Variants in ANK2 observed in about 807,000 individuals in gnomAD.
ANK2 encodes the protein ankyrin 2, also known as ankyrin-2.
Under a neutral mutation model 360.5 loss-of-function variants are expected in ANK2, and 83 were observed. The ratio of observed to expected loss-of-function variants is 0.23; its 90% CI spans 0.19 to 0.28. The LOEUF is 0.28. ANK2 is among the 10% of genes least tolerant of loss of function. The pLI is 1.00. For missense variants in ANK2, 4,201 were observed against 4,795.7 expected (o/e 0.88, Z 3.66); for synonymous variants, 1,740 against 1,759.5 (o/e 0.99, Z 0.28).
rs138707014 is a variant in ANK2 at position 113,162,439 on chromosome 4, A to G, written c.85-11977A>G. 1.8e-3 allele frequency among the ~76,000 whole-genome samples: 276 copies of G among 152,184 alleles called. 2 individuals carry two copies. Among genetic ancestry groups the G allele is most frequent in the Middle Eastern group, 6.8e-3 (2 of 294 alleles). ...GAGTTTTACTTCTTTCCTGTTTCCA[A>G]TATGATCTTTATAACTCCTTATACT... On this transcript the variant is annotated intron_variant, in intron 1 of 45. Transcript: ENST00000357077.
chr4:113,167,190 G>A (rs890273617), intron 1 of ANK2, among the ~76,000 whole-genome samples: 7 of 151,778 alleles, frequency 4.6e-5, no homozygotes, highest in African/African-American at 1.5e-4. Flanking sequence ...TGTGATTTTT[G>A]TAATCAGTTT....
chr4:113,056,306 A>G (rs1017697876), intron 1 of ANK2, among the ~76,000 whole-genome samples: 10 of 152,146 alleles, frequency 6.6e-5, no homozygotes, highest in Admixed American at 5.9e-4. Context: ...GTTCTTTTCC[A>G]TACACTCTTT....
chr4:113,082,817 C>T (rs955907118), intron 1 of ANK2, among the ~76,000 whole-genome samples: 73 of 152,144 alleles, frequency 4.8e-4, no homozygotes, highest in African/African-American at 1.5e-3. Context: ...TTCTTCTTAA[C>T]GTTTTATATA....
intron 26 of ANK2, among the ~76,000 whole-genome samples, chr4:113,320,608 C>T (rs1003925128): frequency 2.6e-5 from 4 of 152,078 alleles, no homozygotes; most frequent in Non-Finnish European, 5.9e-5. Context: ...CGAGCCTAGA[C>T]TGCACCACTG....
intron 1 of ANK2, among the ~76,000 whole-genome samples, chr4:112,850,839 G>T (rs2064799327): frequency 6.6e-6 from 1 of 151,850 alleles, no homozygotes. Context: ...CTTTTTGCTT[G>T]GGATGCACGA....
At chr4:113,187,025 G>A (rs1028465600) in intron 2 of ANK2, among the ~76,000 whole-genome samples, 2 of 151,936 alleles carry the variant, frequency 1.3e-5, no homozygotes, top group African/African-American at 2.4e-5. Flanking sequence ...GGCACACCTT[G>A]GGGCATAAGG....
At chr4:112,989,122 G>A (rs1055471048) in intron 2 of ANK2, among the ~76,000 whole-genome samples, 5 of 152,206 alleles carry the variant, frequency 3.3e-5, no homozygotes, top group Admixed American at 1.3e-4. Context: ...AAGCAATTCA[G>A]AGGTAATTCT....
intron 21 of ANK2, 124 bp from the exon 22 acceptor site, chr4:113,293,316 T>C (rs1306174089): frequency 1.2e-6 from 1 of 850,500 alleles, no homozygotes; most frequent in South Asian, 1.4e-5. Flanking sequence ...ACTAGTGATT[T>C]TCCTAAGCTG....
chr4:112,828,075 A>G (rs1379443362), intron 1 of ANK2, among the ~76,000 whole-genome samples: 1 of 152,068 alleles, frequency 6.6e-6, no homozygotes, highest in Non-Finnish European at 1.5e-5. Context: ...ACCTACAACC[A>G]TCTGATCTTC....
At chr4:113,251,850 A>G (rs1268117406) in intron 10 of ANK2, among the ~76,000 whole-genome samples, 4 of 152,136 alleles carry the variant, frequency 2.6e-5, no homozygotes, top group Admixed American at 6.5e-5. Flanking sequence ...AAAGATAATT[A>G]TAAAAAATAG....
At chr4:112,775,666 G>T in the ANK2 span, among the ~76,000 whole-genome samples, 1 of 152,154 alleles carries the variant, frequency 6.6e-6, no homozygotes. Context: ...GTTGCTCACG[G>T]CTTTTGTAGG....
intron 1 of ANK2, among the ~76,000 whole-genome samples, chr4:113,135,379 A>G (rs1170608512): frequency 6.6e-6 from 1 of 151,908 alleles, no homozygotes; most frequent in Non-Finnish European, 1.5e-5. Context: ...CTAGTGATGG[A>G]TCCATCACTG....
At chr4:113,304,175 T>C (rs1243529138) in intron 23 of ANK2, among the ~76,000 whole-genome samples, 1 of 152,234 alleles carries the variant, frequency 6.6e-6, no homozygotes, top group Non-Finnish European at 1.5e-5. Flanking sequence ...GCATATCATA[T>C]TTTGTTTTGT....
intron 22 of ANK2, among the ~76,000 whole-genome samples, chr4:113,301,713 T>C (rs140323727): frequency 6.6e-6 from 1 of 152,290 alleles, no homozygotes; most frequent in Non-Finnish European, 1.5e-5. Flanking sequence ...ATTCCACATA[T>C]AAGTGAGATT....
At chr4:113,118,165 A>G (rs975792978) in intron 1 of ANK2, among the ~76,000 whole-genome samples, 1 of 152,192 alleles carries the variant, frequency 6.6e-6, no homozygotes, top group African/African-American at 2.4e-5. Flanking sequence ...ATAATCTTAC[A>G]ACTTGATGGA....
chr4:113,156,502 C>T (rs947942073), intron 1 of ANK2, among the ~76,000 whole-genome samples: 16 of 151,820 alleles, frequency 1.1e-4, no homozygotes, highest in Non-Finnish European at 1.8e-4. Flanking sequence ...TCCCAAGTAG[C>T]TGGGACTACA....
Position 113,145,904 on chromosome 4 carries a change from G to A in ANK2, c.85-28512G>A, listed in dbSNP as rs920309443. The A allele has an allele frequency of 1.2e-5, 16 of 1,289,762 alleles. No individual in the cohort carries two copies. The East Asian group carries it at 1.7e-4, about 13-fold the overall frequency. 79.9% of individuals were successfully genotyped at this position (1,289,762 alleles called of 1,614,324 possible). The stretch of plus-strand genomic sequence containing the variant: ...CAGCCCTCTGCTCTTCTTGCCATGC[G>A]GATAAGAGCATAAGAGCACAAGGAA... On this transcript the variant is annotated intron_variant, in intron 1 of 45. Transcript: ENST00000357077.
intron 1 of ANK2, among the ~76,000 whole-genome samples, chr4:113,089,007 C>T (rs140110851): frequency 6.6e-6 from 1 of 152,140 alleles, no homozygotes; most frequent in Non-Finnish European, 1.5e-5. Flanking sequence ...AATTTAAATT[C>T]TCTCATACTC....
chr4:112,947,141 A>G (rs779969285), intron 2 of ANK2, among the ~76,000 whole-genome samples: 2 of 152,232 alleles, frequency 1.3e-5, no homozygotes, highest in Non-Finnish European at 2.9e-5. Context: ...GGTAGGAACC[A>G]TAACTAAACA....
Sources: gnomAD v4.1 joint callset for allele counts (sites outside exome capture counted in the v4.1 genomes callset) on GRCh38, gnomAD v4.1.1 for gene constraint, MANE v1.5 for transcripts, NCBI Gene and HGNC (gene_info 2026-07-23, HGNC 2026-07-21) for gene names.